PRDM1: variants seen among roughly 807,000 people sequenced by gnomAD.
PRDM1 encodes the protein PR domain zinc finger protein 1.
In PRDM1, 13 loss-of-function variants were observed where a neutral mutation model predicts 62.8. That is an observed-to-expected ratio of 0.21 (90% CI 0.13 to 0.33). The LOEUF (loss-of-function observed/expected upper bound fraction) is 0.33, where lower values mean the gene tolerates loss of function less well. Ranked by LOEUF, PRDM1 falls within the 10% of genes least tolerant of loss-of-function variation. PRDM1 has a pLI of 1.00. For missense variants in PRDM1, 895 were observed against 1,058.8 expected, an observed-to-expected ratio of 0.85 and a Z score of 2.15; for synonymous variants, 396 against 417.6, an observed-to-expected ratio of 0.95 and a Z score of 0.63.
At chr6:106,099,858 G>A (rs1562170650) in intron 4 of PRDM1, 1 of 392,584 alleles carries the variant, frequency 2.5e-6, no homozygotes, top group Non-Finnish European at 4.7e-6. Flanking sequence ...TACAGGGATT[G>A]GTCCAGACAT....
At chr6:106,047,970 C>T (rs947137935), upstream of PRDM1, among the ~76,000 whole-genome samples, 12 of 152,298 alleles carry the variant, frequency 7.9e-5, no homozygotes, top group South Asian at 4.1e-4. Flanking sequence ...AGTTCTTAAA[C>T]GGCTTGTGCC....
chr6:106,057,376 C>G (rs1207653282), intron 1 of PRDM1, among the ~76,000 whole-genome samples: 1 of 152,060 alleles, frequency 6.6e-6, no homozygotes, highest in Non-Finnish European at 1.5e-5. Flanking sequence ...TGAAAAGAAG[C>G]CTTTTGCTTC....
At chr6:106,030,442 G>A (rs140210079) in intron 1 of PRDM1, among the ~76,000 whole-genome samples, 21 of 152,150 alleles carry the variant, frequency 1.4e-4, no homozygotes, top group African/African-American at 4.8e-4. Flanking sequence ...CAAAGCACTG[G>A]GATTATAGCA....
chr6:106,072,817 C>T (rs1773540144), intron 1 of PRDM1, among the ~76,000 whole-genome samples: 1 of 152,234 alleles, frequency 6.6e-6, no homozygotes, highest in Non-Finnish European at 1.5e-5. Flanking sequence ...TCATCCCACA[C>T]AGCTTCCAGG....
Position 106,100,630 on chromosome 6 carries a change from A to T in PRDM1, c.664+1078A>T, listed in dbSNP as rs559361647. The stretch of plus-strand genomic sequence containing the variant: ...ACTTTGATTTTAGGACCAATGAACA[A>T]GCCAAGTACTTACCCTAGTCATATA... On this transcript the variant is annotated intron_variant, in intron 4 of 6. Coordinates refer to ENST00000369096, the MANE Select transcript of PRDM1 (RefSeq NM_001198.4). The T allele has an allele frequency of 3.9e-5, 6 of 152,362 alleles. No homozygotes were observed. The East Asian group carries it at 1.2e-3, about 29-fold the overall frequency. 9.4% of individuals were successfully genotyped at this position (152,362 alleles called of 1,614,324 possible).
chr6:105,996,481 A>G (rs1415839828), intron 1 of PRDM1, among the ~76,000 whole-genome samples: 1 of 152,150 alleles, frequency 6.6e-6, no homozygotes, highest in African/African-American at 2.4e-5. Flanking sequence ...AGATTTGAAG[A>G]TTTGTCATTG....
At chr6:106,058,840 G>T (rs1355132235) in intron 1 of PRDM1, among the ~76,000 whole-genome samples, 2 of 152,148 alleles carry the variant, frequency 1.3e-5, no homozygotes. Context: ...AAAATGCTGG[G>T]ATTATAAGCT....
intron 1 of PRDM1, among the ~76,000 whole-genome samples, chr6:106,005,581 C>T (rs760093553): frequency 6.6e-6 from 1 of 152,128 alleles, no homozygotes; most frequent in African/African-American, 2.4e-5. Flanking sequence ...ACTTTCAATT[C>T]GAAACTTTGG....
At chr6:106,021,506 G>A (rs561464737) in intron 1 of PRDM1, among the ~76,000 whole-genome samples, 1 of 152,280 alleles carries the variant, frequency 6.6e-6, no homozygotes, top group African/African-American at 2.4e-5. Context: ...CCTTTACTTA[G>A]GGCAAAGAAG....
chr6:106,005,684 G>A (rs55700523), intron 1 of PRDM1, among the ~76,000 whole-genome samples: 6,908 of 152,136 alleles, frequency 0.045, 163 homozygotes, highest in Non-Finnish European at 0.055. Flanking sequence ...GGAAATATAC[G>A]TATCAAATTG....
rs11300481 is a variant in PRDM1 at position 106,023,473 on chromosome 6, CAAA to C, written c.-67+29847_-67+29849del. On this transcript the variant is annotated intron_variant, in intron 1 of 6. Transcript: ENST00000652320. ...TGGGCGACAGAGCGAGACTCTGTCT[CAAA>C]AAAAAAAAAAAATAAATAATGATTT... Among the ~76,000 whole-genome samples the C allele has an allele frequency of 2.0e-5, 3 of 149,562 alleles. No individual in the cohort carries two copies. The South Asian group carries it at 6.3e-4, about 32-fold the overall frequency.
intron 1 of PRDM1, among the ~76,000 whole-genome samples, chr6:106,079,051 C>T (rs1264292625): frequency 3.9e-5 from 6 of 152,020 alleles, no homozygotes; most frequent in Non-Finnish European, 7.4e-5. Flanking sequence ...ACCTCTGCCT[C>T]TCGGGTTCAA....
chr6:105,994,736 T>G lies in PRDM1; in HGVS notation c.-67+1097T>G, dbSNP rs1260512890. On this transcript the variant is annotated intron_variant, in intron 1 of 6. Transcript: ENST00000652320. This position sits in a 1 kb window ranked among gnomAD's most constrained non-coding sequence, Gnocchi z 4.1. Reference sequence around the variant, plus strand: ...CCCGGATCCTCCTGCGGTCAAAGCATCAGTCCTGCCCGTAACTTCCTAACG... The same window carrying G: ...CCCGGATCCTCCTGCGGTCAAAGCAGCAGTCCTGCCCGTAACTTCCTAACG... 1.3e-5 allele frequency among the ~76,000 whole-genome samples: 2 copies of G among 152,182 alleles called. No individual in the cohort carries two copies.
intron 4 of PRDM1, 84 bp downstream of exon 4, chr6:106,099,636 A>G (rs1037318396): frequency 4.6e-5 from 71 of 1,537,386 alleles, no homozygotes; most frequent in Non-Finnish European, 5.8e-5. Flanking sequence ...TTGTTTAATT[A>G]TACGGCTTTG....
upstream of PRDM1, among the ~76,000 whole-genome samples, chr6:106,083,048 T>G (rs1452136105): frequency 2.0e-5 from 3 of 152,050 alleles, no homozygotes; most frequent in African/African-American, 7.3e-5. Flanking sequence ...AAAAGGCTGT[T>G]AAAGTTTAAA....
Position 106,107,134 on chromosome 6 carries a change from A to G in PRDM1, c.2126A>G (p.Asn709Ser). Residue 709 changes from asparagine (N) to serine (S), a missense_variant, in exon 7 of 7, where the codon AAC becomes AGC. Transcript: ENST00000369096. ...LCSLKVHLKG[N>S]CAAAPAPGLP... ...AGCCTCAAGGTTCACCTGAAAGGGA[A>G]CTGCGCTGCGGCCCCGGCGCCTGGG... 1.2e-6 allele frequency: 2 copies of G among 1,614,124 alleles called. No individual in the cohort carries two copies. The highest frequency in any genetic ancestry group is 2.2e-5 in the South Asian group (2 of 91,078).
Position 106,001,766 on chromosome 6 carries a change from C to T in PRDM1, c.-67+8127C>T, listed in dbSNP as rs555933203. 9.3e-4 allele frequency among the ~76,000 whole-genome samples: 141 copies of T among 152,116 alleles called. 1 individual carries two copies. In the Middle Eastern group the frequency reaches 0.031, roughly 33 times the overall value. Reference sequence around the variant, plus strand: ...CTTGATATCTGATAGAGTGAGTTCCCAATTGTGTTTTTCAAAATTGTCTTG... The same window carrying T: ...CTTGATATCTGATAGAGTGAGTTCCTAATTGTGTTTTTCAAAATTGTCTTG... On this transcript the variant is annotated intron_variant, in intron 1 of 6. Transcript: ENST00000652320.
chr6:106,043,499 G>T (rs1383377347), intron 1 of PRDM1, among the ~76,000 whole-genome samples: 5 of 151,994 alleles, frequency 3.3e-5, no homozygotes, highest in Admixed American at 6.6e-5. Flanking sequence ...ACAAAAATAT[G>T]TTTGGAGAGC....
At chr6:105,997,076 T>G (rs1392429493) in intron 1 of PRDM1, among the ~76,000 whole-genome samples, 1 of 152,206 alleles carries the variant, frequency 6.6e-6, no homozygotes. Context: ...ATGGCCAATA[T>G]AATTTAAATG....
Sources: gnomAD v4.1 joint callset for allele counts (sites outside exome capture counted in the v4.1 genomes callset) on GRCh38, gnomAD v4.1.1 for gene constraint, Gnocchi (gnomAD v3.1) non-coding constraint, MANE v1.5 for transcripts, NCBI Gene and HGNC (gene_info 2026-07-23, HGNC 2026-07-21) for gene names.